Variants in RBCK1 observed in about 807,000 individuals in gnomAD.
RBCK1 encodes the protein ranBP-type and C3HC4-type zinc finger-containing protein 1.
Under a neutral mutation model 71.1 loss-of-function variants are expected in RBCK1, and 44 were observed. The ratio of observed to expected loss-of-function variants is 0.62; its 90% CI spans 0.49 to 0.80. RBCK1 has a LOEUF of 0.80. Ranked by LOEUF, RBCK1 falls within the 30% of genes least tolerant of loss-of-function variation. The pLI, the probability that RBCK1 is intolerant of heterozygous loss-of-function variation, is 0.00. For missense variants in RBCK1, 569 were observed against 685.0 expected, an observed-to-expected ratio of 0.83 and a Z score of 1.89; for synonymous variants, 306 against 279.7, an observed-to-expected ratio of 1.09 and a Z score of -0.94.
intron 8 of RBCK1, among the ~76,000 whole-genome samples, chr20:426,147 A>G (rs1444295506): frequency 6.6e-6 from 1 of 152,216 alleles, no homozygotes; most frequent in African/African-American, 2.4e-5. Flanking sequence ...CAGGCATGCA[A>G]TGCGTAATAA....
chr20:417,894 GAGCTGCAGCGGGAGCGGC>G lies in RBCK1; in HGVS notation c.431_448del (p.Gln144_Leu149del), dbSNP rs1340305580. ...CCGCAACACCTCCCTCAACCCTCAGGAGCTGCAGCGGGAGCGGCAGCTGCGGATGCTGGAAGGTGAGGC... is the reference window on the plus strand; with the variant it reads ...CCGCAACACCTCCCTCAACCCTCAGGAGCTGCGGATGCTGGAAGGTGAGGC... On this transcript the variant is annotated inframe_deletion, in exon 4 of 12. Transcript: ENST00000356286. This position sits in a 1 kb window ranked among gnomAD's most constrained non-coding sequence, Gnocchi z 4.7. 6.2e-7 allele frequency: 1 copy of G among 1,611,862 alleles called. No individual in the cohort carries two copies. The highest frequency in any genetic ancestry group is 8.5e-7 in the Non-Finnish European group (1 of 1,179,992).
At chr20:418,012 C>A (rs996416956) in intron 4 of RBCK1, 82 bp downstream of exon 4, 42 of 1,413,330 alleles carry the variant, frequency 3.0e-5, no homozygotes, top group Non-Finnish European at 3.7e-5. Flanking sequence ...GGGGCAGAGC[C>A]CCTGGGTTTT....
At chr20:418,033 C>G (rs2016103650) in intron 4 of RBCK1, 103 bp downstream of exon 4, 1 of 1,205,372 alleles carries the variant, frequency 8.3e-7, no homozygotes, top group Non-Finnish European at 1.1e-6. Flanking sequence ...TAGTCAGGGA[C>G]TCACCCAGAG....
chr20:419,405 A>G lies in RBCK1; in HGVS notation c.519A>G (p.Pro173=), dbSNP rs1326571205. The change falls in exon 5 of 12, where the codon CCA becomes CCG. Residue 173 remains proline (P), a synonymous_variant. Transcript: ENST00000356286. ...QPRGPLEPGP[P]KPGVPQEPGR... ...GGGGCCCTCTGGAGCCAGGCCCCCC[A>G]AAGCCCGGGGTCCCCCAGGAACCCG... 1.2e-6 allele frequency: 2 copies of G among 1,611,816 alleles called. No homozygotes were observed. The highest frequency in any genetic ancestry group is 1.7e-5 in the Admixed American group (1 of 59,806).
In RBCK1 at chr20:422,271, T is replaced by G. The variant is rs2016482860; in HGVS notation, c.1029+33T>G. The stretch of plus-strand genomic sequence containing the variant: ...CTCAGGGTGGGAGACATACCCCAAG[T>G]CCCAACTCCTAAGGAACTGGGCCCT... On this transcript the variant is annotated intron_variant, in intron 8 of 11. Coordinates refer to ENST00000356286, the MANE Select transcript of RBCK1 (RefSeq NM_031229.4). The surrounding 1 kb of genome is among the most constrained non-coding windows in gnomAD (Gnocchi z 5.0). 1 of 1,575,634 alleles carries G rather than the reference T, an allele frequency of 6.3e-7. No individual in the cohort carries two copies. Among genetic ancestry groups the G allele is most frequent in the South Asian group, 1.1e-5 (1 of 90,276 alleles).
chr20:425,915 A>G (rs6051936), intron 8 of RBCK1, among the ~76,000 whole-genome samples: 19,523 of 152,132 alleles, frequency 0.13, 2,270 homozygotes, highest in African/African-American at 0.32. Context: ...GTGATCCATC[A>G]TTCCTGGCTG....
At position 417,928 on chromosome 20, in the gene RBCK1, A is replaced by G; in HGVS notation, c.458A>G (p.Glu153Gly). Reference sequence around the variant, plus strand: ...CGGGAGCGGCAGCTGCGGATGCTGGAAGGTGAGGCTCTGCCCTGAGCACCG... The same window carrying G: ...CGGGAGCGGCAGCTGCGGATGCTGGGAGGTGAGGCTCTGCCCTGAGCACCG... ...LQRERQLRML[E>G]DLGFKDLTLQ... Residue 153 changes from glutamate (E) to glycine (G), a missense_variant and splice_region_variant, in exon 4 of 12, where the codon GAA (glutamate) becomes GGA (glycine). Glu to Gly is a moderately conservative substitution (Grantham distance 98). This residue lies in a region of RBCK1 where 358 missense variants were observed against 375.6 expected (regional missense o/e 0.95). Coordinates refer to ENST00000356286, the MANE Select transcript of RBCK1 (RefSeq NM_031229.4). The surrounding 1 kb of genome is among the most constrained non-coding windows in gnomAD (Gnocchi z 4.7). The G allele has an allele frequency of 1.2e-6, 2 of 1,605,098 alleles. No individual in the cohort carries two copies. Among genetic ancestry groups the G allele is most frequent in the South Asian group, 2.2e-5 (2 of 90,954 alleles).
chr20:411,174 G>A (rs775361272), intron 2 of RBCK1, among the ~76,000 whole-genome samples: 8 of 151,806 alleles, frequency 5.3e-5, no homozygotes, highest in African/African-American at 7.3e-5. Context: ...GATCGTTTTC[G>A]AGATTCATCC....
At position 417,591 on chromosome 20, in the gene RBCK1, A is replaced by G. The variant is rs1250679258; in HGVS notation, c.233A>G (p.Asp78Gly). ...TVTIWLTVRP[D>G]MTVASLKDMV... ...ACCATCTGGCTCACAGTGCGCCCTG[A>G]TATGACAGTGGCGTCTCTCAAGGAC... Residue 78 changes from aspartate to glycine, a missense_variant, in exon 3 of 12, where the codon GAT (aspartate) becomes GGT (glycine). Asp to Gly is a moderately conservative substitution (Grantham distance 94, BLOSUM62 -1). Transcript: ENST00000356286. The surrounding 1 kb of genome is among the most constrained non-coding windows in gnomAD (Gnocchi z 4.7). 3 of 1,613,842 alleles carry G rather than the reference A, an allele frequency of 1.9e-6. No individual in the cohort carries two copies. The African/African-American group carries it at 4.0e-5, about 22-fold the overall frequency.
intron 8 of RBCK1, among the ~76,000 whole-genome samples, chr20:426,928 C>A (rs571929416): frequency 6.8e-6 from 1 of 147,616 alleles, no homozygotes; most frequent in East Asian, 2.0e-4. Context: ...TGGGCTCAAG[C>A]GATCCTCACA....
chr20:412,236 A>G (rs1386605598), intron 2 of RBCK1, among the ~76,000 whole-genome samples: 2 of 152,206 alleles, frequency 1.3e-5, no homozygotes, highest in African/African-American at 4.8e-5. Flanking sequence ...CCATTTGATG[A>G]CAAATGATGT....
chr20:419,461 C>T lies in RBCK1; in HGVS notation c.575C>T (p.Pro192Leu). Residue 192 changes from proline (P) to leucine (L), a missense_variant, in exon 5 of 12, where the codon CCC becomes CTC. Physicochemically the swap from Pro to Leu is moderately conservative, Grantham distance 98. This residue lies in a region of RBCK1 where 358 missense variants were observed against 375.6 expected (regional missense o/e 0.95). Transcript: ENST00000356286. ...GGGCAGCCAGATGCAGTGCCTGAGC[C>T]CCCACCGGTAAGCTGTCCTTGGCCT... ...GRGQPDAVPE[P>L]PPVGWQCPGC... is the part of the protein sequence containing the mutation. 1 of 1,606,830 alleles carries T rather than the reference C, an allele frequency of 6.2e-7. No homozygotes were observed. Among genetic ancestry groups the T allele is most frequent in the Non-Finnish European group, 8.5e-7 (1 of 1,176,818 alleles).
At chr20:411,466 C>T (rs1378003824) in intron 2 of RBCK1, among the ~76,000 whole-genome samples, 1 of 152,194 alleles carries the variant, frequency 6.6e-6, no homozygotes, top group Non-Finnish European at 1.5e-5. Flanking sequence ...CTCCCAGGTT[C>T]ACGCCATTCT....
In RBCK1 at chr20:427,308, G is replaced by A. The variant is rs778939051; in HGVS notation, c.1030-5G>A. On this transcript the variant is annotated splice_polypyrimidine_tract_variant and splice_region_variant and intron_variant, in intron 8 of 11. Coordinates refer to ENST00000356286, the MANE Select transcript of RBCK1 (RefSeq NM_031229.4). ...CTGAGCAGCAAGGACATGGTGTGTT[G>A]GCAGCTCCTGACCCCTGAGGATTAC... The A allele has an allele frequency of 1.9e-6, 3 of 1,613,670 alleles. No individual in the cohort carries two copies. Among genetic ancestry groups the A allele is most frequent in the Non-Finnish European group, 2.5e-6 (3 of 1,179,826 alleles).
chr20:409,103 T>C (rs1259449971), intron 1 of RBCK1, among the ~76,000 whole-genome samples: 1 of 152,222 alleles, frequency 6.6e-6, no homozygotes, highest in Non-Finnish European at 1.5e-5. Context: ...CCTCTTCTCT[T>C]GTCCCCTGCA....
chr20:408,563 C>T lies in RBCK1; in HGVS notation c.-195C>T, dbSNP rs1342157195. 7.2e-6 allele frequency: 5 copies of T among 695,422 alleles called. No homozygotes were observed. The Admixed American group carries it at 9.1e-5, about 13-fold the overall frequency. The allele number at this position is 695,422 out of a possible 1,614,324, so 43.1% of individuals were successfully genotyped here. On this transcript the variant is annotated 5_prime_UTR_variant, in exon 1 of 12. Transcript: ENST00000356286. ...CCTCTCACCGCCCCACGCAGGATCCCGGCCTGGTCACCGGGCAGTGTGATG... is the reference window on the plus strand; with the variant it reads ...CCTCTCACCGCCCCACGCAGGATCCTGGCCTGGTCACCGGGCAGTGTGATG...
rs1159445936 is a variant in RBCK1 at position 428,053 on chromosome 20, T to C, written c.1210-438T>C. ...TGTCCCCGCCGCTTCATCTCAAAAGTTGAAGGTGAGGAGCCGGTAAACAGG... is the reference window on the plus strand; with the variant it reads ...TGTCCCCGCCGCTTCATCTCAAAAGCTGAAGGTGAGGAGCCGGTAAACAGG... On this transcript the variant is annotated intron_variant, in intron 9 of 11. Transcript: ENST00000356286. This position sits in a 1 kb window ranked among gnomAD's most constrained non-coding sequence, Gnocchi z 5.7. 6.6e-6 allele frequency among the ~76,000 whole-genome samples: 1 copy of C among 152,076 alleles called. No homozygotes were observed. Among genetic ancestry groups the C allele is most frequent in the African/African-American group, 2.4e-5 (1 of 41,380 alleles).
At chr20:420,738 C>T in intron 6 of RBCK1, 133 bp from the exon 7 acceptor site, 1 of 182,590 alleles carries the variant, frequency 5.5e-6, no homozygotes, top group South Asian at 3.9e-5. Context: ...CATCCCCCAT[C>T]CCTACTGGCT....
In RBCK1 at chr20:428,534, T is replaced by C. The variant is rs772546224; in HGVS notation, c.1253T>C (p.Leu418Pro). The C allele has an allele frequency of 6.2e-7, 1 of 1,612,686 alleles. No individual in the cohort carries two copies. Among genetic ancestry groups the C allele is most frequent in the South Asian group, 1.1e-5 (1 of 90,634 alleles). The change falls in exon 10 of 12, where the codon CTG becomes CCG. Residue 418 changes from leucine to proline, a missense_variant. By Grantham distance (98) the Leu-to-Pro change is moderately conservative. Around this residue, in one of 2 missense-constraint regions of RBCK1, gnomAD observed 211 missense variants for 309.4 expected, o/e 0.68. Coordinates refer to ENST00000356286, the MANE Select transcript of RBCK1 (RefSeq NM_031229.4). This position sits in a 1 kb window ranked among gnomAD's most constrained non-coding sequence, Gnocchi z 5.7. The stretch of plus-strand genomic sequence containing the variant: ...AACTGCAAGGAGTATCAGGAGGACC[T>C]GGCCCTGCGGGCTCAGAACGATGTG... ...QMNCKEYQED[L>P]ALRAQNDVAA...
Sources: gnomAD v4.1 joint callset for allele counts (sites outside exome capture counted in the v4.1 genomes callset) on GRCh38, gnomAD v4.1.1 for gene constraint, gnomAD v4.1.1 regional missense constraint, Gnocchi (gnomAD v3.1) non-coding constraint, MANE v1.5 for transcripts, NCBI Gene and HGNC (gene_info 2026-07-23, HGNC 2026-07-21) for gene names.